Variants in DNAH6 observed in about 807,000 individuals in gnomAD.
The protein encoded by DNAH6 is dynein axonemal heavy chain 6.
Under a neutral mutation model 491.4 loss-of-function variants are expected in DNAH6, and 340 were observed. The ratio of observed to expected loss-of-function variants is 0.69; its 90% CI spans 0.63 to 0.76. DNAH6 has a LOEUF of 0.76. Among genes scored for constraint, DNAH6 ranks in the 30% least tolerant of loss-of-function variants. DNAH6 has a pLI of 0.00. For synonymous variants in DNAH6, 1,603 were observed against 1,686.1 expected (o/e 0.95, Z 1.21); for missense variants, 4,443 against 4,972.2 (o/e 0.89, Z 3.20).
intron 2 of DNAH6, among the ~76,000 whole-genome samples, chr2:84,522,212 G>A (rs1378861367): frequency 6.6e-6 from 1 of 151,894 alleles, no homozygotes; most frequent in Non-Finnish European, 1.5e-5. Flanking sequence ...AATATTCCTA[G>A]GTATTTTAGT....
At position 84,619,730 on chromosome 2, in the gene DNAH6, G is replaced by A; in HGVS notation, c.3618G>A (p.Gln1206=). 1 of 1,551,602 alleles carries A rather than the reference G, an allele frequency of 6.4e-7. No homozygotes were observed. Among genetic ancestry groups the A allele is most frequent in the Non-Finnish European group, 8.7e-7 (1 of 1,146,842 alleles). ...ATGAACTTCTGGAGATTTTGGCCCAGACACGAAATCCACAGGCCGTGCAGC... is the reference window on the plus strand; with the variant it reads ...ATGAACTTCTGGAGATTTTGGCCCAAACACGAAATCCACAGGCCGTGCAGC... ...SNDELLEILA[Q]TRNPQAVQPH... Residue 1206 remains glutamine, a synonymous_variant, in exon 24 of 77, where the codon CAG becomes CAA. Transcript: ENST00000389394.
At chr2:84,600,948 T>C (rs1685146976) in intron 18 of DNAH6, among the ~76,000 whole-genome samples, 1 of 143,418 alleles carries the variant, frequency 7.0e-6, no homozygotes, top group Non-Finnish European at 1.5e-5. Context: ...TAAGGTATAA[T>C]ACTATAAGGA....
chr2:84,814,722 C>G (rs1374014637), intron 75 of DNAH6, among the ~76,000 whole-genome samples: 2 of 152,208 alleles, frequency 1.3e-5, no homozygotes, highest in African/African-American at 4.8e-5. Flanking sequence ...CACCAGGGCT[C>G]TGTCCCTCCA....
At chr2:84,534,184 C>T (rs373557331) in intron 4 of DNAH6, among the ~76,000 whole-genome samples, 1 of 151,990 alleles carries the variant, frequency 6.6e-6, no homozygotes, top group East Asian at 1.9e-4. Flanking sequence ...AGCTATAAGG[C>T]AAAGCTTCCC....
intron 29 of DNAH6, among the ~76,000 whole-genome samples, chr2:84,626,024 A>G (rs1687822553): frequency 6.6e-6 from 1 of 152,096 alleles, no homozygotes; most frequent in South Asian, 2.1e-4. Context: ...ATCTTTTCGT[A>G]CTCTATACTC....
At chr2:84,526,324 A>G (rs181028117) in intron 3 of DNAH6, among the ~76,000 whole-genome samples, 1 of 152,272 alleles carries the variant, frequency 6.6e-6, no homozygotes, top group East Asian at 1.9e-4. Flanking sequence ...TTGAGAGGAT[A>G]ACTTTGACAG....
At chr2:84,581,376 G>A in intron 14 of DNAH6, among the ~76,000 whole-genome samples, 1 of 151,972 alleles carries the variant, frequency 6.6e-6, no homozygotes, top group Non-Finnish European at 1.5e-5. Context: ...CATTCAGTCA[G>A]CAAGTTTAGT....
chr2:84,694,996 C>G (rs1695235207), intron 46 of DNAH6, among the ~76,000 whole-genome samples: 1 of 151,698 alleles, frequency 6.6e-6, no homozygotes, highest in Non-Finnish European at 1.5e-5. Flanking sequence ...GAAAATAAAC[C>G]CATCTAGAAA....
the DNAH6 span, chr2:84,460,159 A>G: frequency 1.3e-5 from 2 of 152,218 alleles, no homozygotes; most frequent in Non-Finnish European, 2.9e-5. Context: ...CAGAATTGTC[A>G]ATAAAATTGC....
intron 63 of DNAH6, among the ~76,000 whole-genome samples, chr2:84,752,671 T>A (rs1293237398): frequency 6.6e-6 from 1 of 151,900 alleles, no homozygotes; most frequent in Non-Finnish European, 1.5e-5. Flanking sequence ...CCTATTCTGT[T>A]TTTTTTGTAT....
At chr2:84,598,848 G>A (rs1210501624) in intron 18 of DNAH6, among the ~76,000 whole-genome samples, 1 of 151,916 alleles carries the variant, frequency 6.6e-6, no homozygotes, top group East Asian at 1.9e-4. Flanking sequence ...TGGCCAACAT[G>A]GTGAAACCCC....
Position 84,726,623 on chromosome 2 carries a change from G to A in DNAH6, c.9973-1046G>A, listed in dbSNP as rs187327155. ...CACAGGAAGGGGAACATCACACTCC[G>A]GGACTGGGGGAAGTGGGGAGGGATA... On this transcript the variant is annotated intron_variant, in intron 60 of 76. Transcript: ENST00000389394. Among the ~76,000 whole-genome samples, 535 of 152,206 alleles carry A rather than the reference G, an allele frequency of 3.5e-3. 3 individuals are homozygous for A. Among genetic ancestry groups the A allele is most frequent in the African/African-American group, 0.012 (495 of 41,526 alleles).
At chr2:84,643,758 C>T (rs1201666805) in intron 33 of DNAH6, among the ~76,000 whole-genome samples, 1 of 152,120 alleles carries the variant, frequency 6.6e-6, no homozygotes, top group East Asian at 1.9e-4. Context: ...GCTTATATTG[C>T]CCAGCTGTTT....
chr2:84,673,575 C>T (rs1304340420), intron 40 of DNAH6, among the ~76,000 whole-genome samples: 2 of 152,192 alleles, frequency 1.3e-5, no homozygotes, highest in Admixed American at 6.5e-5. Context: ...TAAGTATTAA[C>T]TCACATGATC....
chr2:84,500,544 A>T, the DNAH6 span, among the ~76,000 whole-genome samples: 2 of 152,140 alleles, frequency 1.3e-5, no homozygotes, highest in African/African-American at 4.8e-5. Context: ...AAATTTTAGG[A>T]TTGTCTTTTC....
At chr2:84,726,168 A>C (rs1320096190) in intron 60 of DNAH6, among the ~76,000 whole-genome samples, 2 of 152,048 alleles carry the variant, frequency 1.3e-5, no homozygotes, top group African/African-American at 4.8e-5. Context: ...GGAGTGGAGG[A>C]TGCTTCTTGA....
chr2:84,771,693 G>C (rs936936900), intron 64 of DNAH6, among the ~76,000 whole-genome samples: 1 of 152,220 alleles, frequency 6.6e-6, no homozygotes, highest in Non-Finnish European at 1.5e-5. Flanking sequence ...GTGGGGGAAA[G>C]AGGGACTGTT....
intron 11 of DNAH6, among the ~76,000 whole-genome samples, chr2:84,571,767 A>T (rs903781248): frequency 1.3e-5 from 2 of 151,588 alleles, no homozygotes; most frequent in Admixed American, 1.3e-4. Flanking sequence ...CAAAAAAAAA[A>T]AAAAAAATTA....
At chr2:84,690,383 C>T (rs1694727061) in intron 45 of DNAH6, among the ~76,000 whole-genome samples, 1 of 152,164 alleles carries the variant, frequency 6.6e-6, no homozygotes, top group East Asian at 1.9e-4. Flanking sequence ...CCACTTGCTT[C>T]CCCTCTGTCC....
Sources: gnomAD v4.1 joint callset for allele counts (sites outside exome capture counted in the v4.1 genomes callset) on GRCh38, gnomAD v4.1.1 for gene constraint, MANE v1.5 for transcripts, NCBI Gene and HGNC (gene_info 2026-07-23, HGNC 2026-07-21) for gene names.